The following CEP85L variants were observed in gnomAD, a reference collection of about 807,000 sequenced individuals.
CEP85L encodes the protein centrosomal protein of 85 kDa-like.
CEP85L carries 60 observed loss-of-function variants against 100.3 expected under a neutral mutation model. The ratio of observed to expected loss-of-function variants is 0.60; its 90% CI spans 0.49 to 0.74. The LOEUF (loss-of-function observed/expected upper bound fraction) is 0.74, where lower values mean the gene tolerates loss of function less well. CEP85L is among the 30% of genes least tolerant of loss of function. The pLI is 0.00. For synonymous variants in CEP85L, 319 were observed against 322.7 expected (o/e 0.99, Z 0.12); for missense variants, 973 against 936.2 (o/e 1.04, Z -0.51).
chr6:118,642,650 A>G (rs1327193662), intron 1 of CEP85L, among the ~76,000 whole-genome samples: 1 of 152,194 alleles, frequency 6.6e-6, no homozygotes, highest in Non-Finnish European at 1.5e-5. Context: ...ACGGTGGTTC[A>G]CATCTGTAAC....
At chr6:118,700,891 C>T (rs1777383058) in intron 1 of CEP85L, among the ~76,000 whole-genome samples, 1 of 152,186 alleles carries the variant, frequency 6.6e-6, no homozygotes, top group Non-Finnish European at 1.5e-5. Flanking sequence ...GCAAGGTGGG[C>T]TTCAGCAGTG....
chr6:118,698,871 C>T (rs900269769), intron 1 of CEP85L, among the ~76,000 whole-genome samples: 9 of 151,382 alleles, frequency 5.9e-5, no homozygotes, highest in African/African-American at 1.2e-4. Flanking sequence ...TTGACAGTGA[C>T]GGTAACCCCT....
In CEP85L at chr6:118,651,293, C is replaced by A; in HGVS notation, c.-24G>T. On this transcript the variant is annotated 5_prime_UTR_variant, in exon 1 of 13. Coordinates refer to ENST00000368491, the MANE Select transcript of CEP85L (RefSeq NM_001042475.3). ...ATCGCGGGCGAGAGGGCCGGGTGGG[C>A]CAGGGACGCCCGACTCCTCACGTCC... The A allele has an allele frequency of 6.8e-7, 1 of 1,465,232 alleles. No homozygotes were observed. Among genetic ancestry groups the A allele is most frequent in the Admixed American group, 2.4e-5 (1 of 41,734 alleles). 90.8% of individuals were successfully genotyped at this position (1,465,232 alleles called of 1,614,324 possible).
chr6:118,611,137 TCTC>T (rs1772582437), intron 2 of CEP85L, among the ~76,000 whole-genome samples: 1 of 152,212 alleles, frequency 6.6e-6, no homozygotes, highest in African/African-American at 2.4e-5. Flanking sequence ...CTTTCCTTCT[TCTC>T]CTGAGTTTCT....
chr6:118,536,821 C>T (rs1162396963), intron 3 of CEP85L, among the ~76,000 whole-genome samples: 3 of 152,140 alleles, frequency 2.0e-5, no homozygotes, highest in African/African-American at 4.8e-5. Flanking sequence ...AGGCAGAAGA[C>T]AATCCTGCTT....
chr6:118,695,149 C>T (rs113910001), intron 1 of CEP85L, among the ~76,000 whole-genome samples: 1,758 of 152,232 alleles, frequency 0.012, 50 homozygotes, highest in African/African-American at 0.04. Context: ...TCCTGCTTAC[C>T]AAGTTATTAG....
intron 5 of CEP85L, among the ~76,000 whole-genome samples, chr6:118,500,748 C>T (rs1040030688): frequency 6.6e-6 from 1 of 152,202 alleles, no homozygotes; most frequent in African/African-American, 2.4e-5. Flanking sequence ...GGGTGCTCAA[C>T]AAGCTACAAT....
intron 1 of CEP85L, among the ~76,000 whole-genome samples, chr6:118,694,816 C>A (rs1050832062): frequency 6.6e-6 from 1 of 152,198 alleles, no homozygotes. Flanking sequence ...TTGGCAGTTG[C>A]CATATAGCAA....
chr6:118,675,279 G>A (rs1353030270), intron 1 of CEP85L, among the ~76,000 whole-genome samples: 2 of 151,730 alleles, frequency 1.3e-5, no homozygotes, highest in African/African-American at 2.4e-5. Flanking sequence ...TATATATATT[G>A]TCTATATATA....
At position 118,465,329 on chromosome 6, in the gene CEP85L, G is replaced by C. The variant is rs1772433780; in HGVS notation, c.*76C>G. 2 of 1,398,350 alleles carry C rather than the reference G, an allele frequency of 1.4e-6. No individual in the cohort carries two copies. The highest frequency in any genetic ancestry group is 1.9e-6 in the Non-Finnish European group (2 of 1,034,062). 86.6% of individuals were successfully genotyped at this position (1,398,350 alleles called of 1,614,324 possible). On this transcript the variant is annotated 3_prime_UTR_variant, in exon 13 of 13. Transcript: ENST00000368491. ...TCCCTAAGTGCAAGTCATGTCACTT[G>C]CAACCTTCCATTATGGCTCCATAAC...
Position 118,514,524 on chromosome 6 carries a change from C to CAAAAA in CEP85L, c.1140-3114_1140-3110dup, listed in dbSNP as rs561316113. Among the ~76,000 whole-genome samples the CAAAAA allele has an allele frequency of 1.4e-3, 119 of 87,504 alleles. 2 individuals carry two copies. Among genetic ancestry groups the CAAAAA allele is most frequent in the African/African-American group, 4.8e-3 (107 of 22,482 alleles). 57.4% of individuals were successfully genotyped at this position (87,504 alleles called of 152,430 possible). ...TGGGAGACAGAGCAAGACACTGTCT[C>CAAAAA]AAAAAAAAAAAAAAAAAAAGAAAAC... On this transcript the variant is annotated intron_variant, in intron 4 of 12. Coordinates refer to ENST00000368491, the MANE Select transcript of CEP85L (RefSeq NM_001042475.3).
At chr6:118,600,988 T>C (rs1185772122) in intron 2 of CEP85L, among the ~76,000 whole-genome samples, 1 of 152,218 alleles carries the variant, frequency 6.6e-6, no homozygotes, top group Non-Finnish European at 1.5e-5. Flanking sequence ...GGTAAGCATA[T>C]AAAGTTGTTT....
At chr6:118,560,432 CTTCA>C (rs1298475579) in intron 3 of CEP85L, 1 of 166,780 alleles carries the variant, frequency 6.0e-6, no homozygotes, top group African/African-American at 2.4e-5. Context: ...ACATAAAAGT[CTTCA>C]TTCTCATTGT....
intron 1 of CEP85L, among the ~76,000 whole-genome samples, chr6:118,675,842 A>T (rs931651095): frequency 6.6e-6 from 1 of 152,218 alleles, no homozygotes; most frequent in Non-Finnish European, 1.5e-5. Flanking sequence ...GAATTCAGAG[A>T]AAAGTGATAA....
intron 1 of CEP85L, among the ~76,000 whole-genome samples, chr6:118,707,137 A>G (rs960921616): frequency 6.6e-6 from 1 of 151,016 alleles, no homozygotes; most frequent in Non-Finnish European, 1.5e-5. Context: ...TGGTCCCTCC[A>G]GGCTGGTCCC....
At chr6:118,604,660 G>C (rs1377969699) in intron 2 of CEP85L, among the ~76,000 whole-genome samples, 1 of 152,178 alleles carries the variant, frequency 6.6e-6, no homozygotes, top group Admixed American at 6.5e-5. Flanking sequence ...CAGAACTGCA[G>C]ATAAGAACTG....
At chr6:118,482,046 A>T (rs1258926706) in intron 7 of CEP85L, 113 bp from the exon 8 acceptor site, 2 of 590,830 alleles carry the variant, frequency 3.4e-6, no homozygotes, top group South Asian at 9.3e-5. Flanking sequence ...AAAAAAAAAA[A>T]AAAAGAATCA....
intron 2 of CEP85L, chr6:118,588,973 T>C (rs1399740419): frequency 5.2e-6 from 1 of 193,040 alleles, no homozygotes; most frequent in African/African-American, 2.4e-5. Context: ...GTTATAGGAG[T>C]TATTAAAAAA....
At chr6:118,588,285 G>C (rs1780980714) in intron 2 of CEP85L, among the ~76,000 whole-genome samples, 1 of 152,130 alleles carries the variant, frequency 6.6e-6, no homozygotes, top group African/African-American at 2.4e-5. Flanking sequence ...CTGGTTTATG[G>C]GCATCCCCTC....
Sources: gnomAD v4.1 joint callset for allele counts (sites outside exome capture counted in the v4.1 genomes callset) on GRCh38, gnomAD v4.1.1 for gene constraint, MANE v1.5 for transcripts, NCBI Gene and HGNC (gene_info 2026-07-23, HGNC 2026-07-21) for gene names.